Variants in RUBCNL observed in about 807,000 individuals in gnomAD.
The protein encoded by RUBCNL is rubicon like autophagy enhancer, also known as protein associated with UVRAG as autophagy enhancer.
A neutral mutation model predicts 69.5 loss-of-function variants in RUBCNL; 62 were observed. The observed-to-expected ratio is 0.89, with a 90% confidence interval of 0.73 to 1.10. The LOEUF (loss-of-function observed/expected upper bound fraction) is 1.10, where lower values mean the gene tolerates loss of function less well. RUBCNL is among the 50% of genes least tolerant of loss of function. RUBCNL has a pLI of 0.00. For missense variants in RUBCNL, 768 were observed against 798.1 expected (o/e 0.96, Z 0.45); for synonymous variants, 291 against 303.6 (o/e 0.96, Z 0.43).
chr13:46,383,536 A>G (rs2049167360), intron 1 of RUBCNL, among the ~76,000 whole-genome samples: 1 of 152,038 alleles, frequency 6.6e-6, no homozygotes, highest in Non-Finnish European at 1.5e-5. Context: ...CACACACATC[A>G]TTTCCTTATG....
At chr13:46,362,962 A>ATATATATATATATC (rs1566077900) in intron 6 of RUBCNL, among the ~76,000 whole-genome samples, 153 bp downstream of exon 6, 9 of 94,206 alleles carry the variant, frequency 9.6e-5, no homozygotes, top group East Asian at 3.4e-4. Flanking sequence ...ATATATATAT[A>ATATATATATATATC]TATATATATA....
At chr13:46,377,160 T>C (rs2049012588) in intron 2 of RUBCNL, among the ~76,000 whole-genome samples, 1 of 152,364 alleles carries the variant, frequency 6.6e-6, no homozygotes, top group East Asian at 1.9e-4. Context: ...TTTCTACACA[T>C]ATCTTTTGTG....
chr13:46,362,115 T>TA (rs1291152485), intron 7 of RUBCNL, among the ~76,000 whole-genome samples: 3 of 150,788 alleles, frequency 2.0e-5, no homozygotes, highest in African/African-American at 7.3e-5. Context: ...CAGGTGCCTA[T>TA]AATCCCAGCT....
intron 9 of RUBCNL, among the ~76,000 whole-genome samples, chr13:46,357,184 T>G (rs1231857621): frequency 6.6e-6 from 1 of 151,362 alleles, no homozygotes; most frequent in East Asian, 2.0e-4. Context: ...ATACAAAAAA[T>G]TAGCCGGGCG....
intron 2 of RUBCNL, among the ~76,000 whole-genome samples, chr13:46,376,614 TGACTAC>T (rs1296886772): frequency 6.6e-6 from 1 of 152,212 alleles, no homozygotes; most frequent in Non-Finnish European, 1.5e-5. Context: ...AAGGAAACCA[TGACTAC>T]ATTTTTATAA....
intron 8 of RUBCNL, among the ~76,000 whole-genome samples, chr13:46,361,085 C>A (rs1445117514): frequency 6.6e-6 from 1 of 152,110 alleles, no homozygotes; most frequent in Non-Finnish European, 1.5e-5. Flanking sequence ...GTTAGCTGGG[C>A]GTGGTGGCGT....
rs781585811 is a variant in RUBCNL at position 46,372,359 on chromosome 13, A to C, written c.117T>G (p.Pro39=). 3.7e-5 allele frequency: 59 copies of C among 1,613,906 alleles called. No homozygotes were observed. The highest frequency in any genetic ancestry group is 8.3e-5 in the Admixed American group (5 of 59,994). ...TCATGAGCCTGATGTCTAATTGGCA[A>C]GGAGGATGGTCAGTGTTCAGGAGTC... ...SPRLLNTDHP[P]CQLDIRLMRH... Residue 39 remains proline, a synonymous_variant, in exon 3 of 15, where the codon CCT becomes CCG. Transcript: ENST00000429979.
At position 46,341,667 on chromosome 13, in the gene RUBCNL, T is replaced by C. The variant is rs1201644334; in HGVS notation, c.*1718A>G. On this transcript the variant is annotated 3_prime_UTR_variant, in exon 15 of 15. Transcript: ENST00000429979. ...CATAGCAGCTGCCTTAAATCAACAC[T>C]GATGTGAGAAAACACTCTGCCCAAT... Among the ~76,000 whole-genome samples, 1 of 152,164 alleles carries C rather than the reference T, an allele frequency of 6.6e-6. No homozygotes were observed. Among genetic ancestry groups the C allele is most frequent in the Non-Finnish European group, 1.5e-5 (1 of 68,020 alleles).
chr13:46,345,606 AG>A lies in RUBCNL; in HGVS notation c.1632-7del. On this transcript the variant is annotated splice_polypyrimidine_tract_variant and splice_region_variant and intron_variant, in intron 12 of 14. Transcript: ENST00000429979. The stretch of plus-strand genomic sequence containing the variant: ...GCTCGAACTCCTTTAATGCACTGCC[AG>A]AGAGGAAACAAAGAGGAATTCAGAA... 1 of 1,613,248 alleles carries A rather than the reference AG, an allele frequency of 6.2e-7. No homozygotes were observed. Among genetic ancestry groups the A allele is most frequent in the Non-Finnish European group, 8.5e-7 (1 of 1,179,560 alleles).
At chr13:46,377,544 TG>T (rs1862958320) in intron 2 of RUBCNL, among the ~76,000 whole-genome samples, 1 of 152,200 alleles carries the variant, frequency 6.6e-6, no homozygotes, top group African/African-American at 2.4e-5. Flanking sequence ...ATTGCAGGTG[TG>T]GGCCACTGTG....
intron 10 of RUBCNL, among the ~76,000 whole-genome samples, chr13:46,353,032 T>G (rs2048404898): frequency 6.6e-6 from 1 of 152,102 alleles, no homozygotes; most frequent in Non-Finnish European, 1.5e-5. Flanking sequence ...ACGAACAGTA[T>G]GTAGGCAGGC....
intron 5 of RUBCNL, among the ~76,000 whole-genome samples, chr13:46,365,513 G>A (rs1594162701): frequency 6.6e-6 from 1 of 152,110 alleles, no homozygotes. Flanking sequence ...CCACATGGAT[G>A]GTGCTCCTCC....
chr13:46,378,244 T>G (rs764680989), intron 1 of RUBCNL, among the ~76,000 whole-genome samples: 2 of 152,116 alleles, frequency 1.3e-5, no homozygotes, highest in Non-Finnish European at 2.9e-5. Flanking sequence ...TGAATAGACA[T>G]ACATTTATAC....
chr13:46,352,385 A>G (rs949069459), intron 10 of RUBCNL, among the ~76,000 whole-genome samples: 3 of 152,262 alleles, frequency 2.0e-5, no homozygotes, highest in South Asian at 4.1e-4. Context: ...AATACCATAC[A>G]GCATAACAGA....
intron 3 of RUBCNL, among the ~76,000 whole-genome samples, chr13:46,371,572 T>G (rs1471345796): frequency 1.3e-5 from 2 of 152,172 alleles, no homozygotes; most frequent in African/African-American, 4.8e-5. Flanking sequence ...GGTACTGGTG[T>G]GAAATGCAGA....
At chr13:46,351,200 GT>G (rs2048362089) in intron 10 of RUBCNL, among the ~76,000 whole-genome samples, 1 of 152,170 alleles carries the variant, frequency 6.6e-6, no homozygotes, top group Non-Finnish European at 1.5e-5. Flanking sequence ...GGAGGCTACA[GT>G]GAGCCATCAT....
upstream of RUBCNL, among the ~76,000 whole-genome samples, chr13:46,388,557 G>A (rs143272763): frequency 7.8e-3 from 1,191 of 152,180 alleles, 23 homozygotes; most frequent in African/African-American, 0.027. Flanking sequence ...CAGAAGGAAG[G>A]GAGGGAGGGA....
At position 46,339,064 on chromosome 13, in the gene RUBCNL, T is replaced by C. The variant is rs1219181591; in HGVS notation, c.*4321A>G. ...CCTGTCTCAAAAAAAAAAAAAAAAG[T>C]GCAAGGAAAAATACACAATTTGCTT... On this transcript the variant is annotated 3_prime_UTR_variant, in exon 15 of 15. Transcript: ENST00000429979. 6.9e-6 allele frequency among the ~76,000 whole-genome samples: 1 copy of C among 144,716 alleles called. No individual in the cohort carries two copies. The highest frequency in any genetic ancestry group is 2.6e-5 in the African/African-American group (1 of 38,978). The allele number at this position is 144,716 out of a possible 152,430, so 94.9% of individuals were successfully genotyped here.
intron 2 of RUBCNL, among the ~76,000 whole-genome samples, chr13:46,373,301 G>T (rs1395329117): frequency 6.6e-6 from 1 of 152,120 alleles, no homozygotes; most frequent in Admixed American, 6.6e-5. Context: ...TTTTCATTTA[G>T]TTTGTTCTTG....
Sources: allele counts gnomAD v4.1 joint callset (sites outside exome capture counted in the v4.1 genomes callset), GRCh38; gene constraint gnomAD v4.1.1; transcripts MANE v1.5; gene names NCBI Gene and HGNC (gene_info 2026-07-23, HGNC 2026-07-21).